The following CEP350 variants were observed in gnomAD, a reference collection of about 807,000 sequenced individuals.
CEP350 encodes centrosome-associated protein 350.
In CEP350, 126 loss-of-function variants were observed where a neutral mutation model predicts 331.8. The ratio of observed to expected loss-of-function variants is 0.38; its 90% CI spans 0.33 to 0.44. CEP350 has a LOEUF of 0.44. CEP350 is among the 20% of genes least tolerant of loss of function. The pLI, the probability that CEP350 is intolerant of heterozygous loss-of-function variation, is 1.00. For missense variants in CEP350, 3,406 were observed against 3,634.6 expected (o/e 0.94, Z 1.62); for synonymous variants, 1,200 against 1,259.5 (o/e 0.95, Z 1.00).
chr1:179,999,155 T>C (rs1288657388), intron 6 of CEP350, among the ~76,000 whole-genome samples: 3 of 152,122 alleles, frequency 2.0e-5, no homozygotes, highest in African/African-American at 4.8e-5. Context: ...TTGTTCTTTG[T>C]ACAAGTCAAA....
rs1295337433 is a variant in CEP350, at chr1:180,093,337, C to G, written c.7232C>G (p.Ser2411Cys). 6 of 1,599,356 alleles carry G rather than the reference C, an allele frequency of 3.8e-6. No homozygotes were observed. The highest frequency in any genetic ancestry group is 5.1e-6 in the Non-Finnish European group (6 of 1,172,742). ...CTGTCACTCAGGAAAGACTCTCAGT[C>G]TTGCAGAGATAAGCCACAGCCAATG... is the stretch of plus-strand genomic sequence containing the variant. ...SLLSLRKDSQ[S>C]CRDKPQPMRS... Residue 2411 changes from serine (S) to cysteine (C), a missense_variant, in exon 34 of 38, where the codon TCT becomes TGT. By Grantham distance (112) the Ser-to-Cys change is moderately radical. Transcript: ENST00000367607.
intron 1 of CEP350, among the ~76,000 whole-genome samples, chr1:179,980,830 G>A (rs1020364862): frequency 1.3e-5 from 2 of 151,902 alleles, no homozygotes; most frequent in African/African-American, 2.4e-5. Context: ...AACATTGTTA[G>A]CACAAGCAGT....
chr1:180,014,171 C>A lies in CEP350; in HGVS notation c.1718C>A (p.Pro573His). The change falls in exon 10 of 38, where the codon CCT (proline) becomes CAT (histidine). Residue 573 changes from proline to histidine, a missense_variant. Physicochemically the swap from Pro to His is moderately conservative, Grantham distance 77. Transcript: ENST00000367607. ...AGTCACAGCCCAGTAAAAAGAAAAC[C>A]TGACAAAATAACAGCTAATGAAGAT... ...PRSHSPVKRKPDKITANEDPP... is the reference protein window; with the variant it reads ...PRSHSPVKRKHDKITANEDPP... 6.2e-7 allele frequency: 1 copy of A among 1,608,546 alleles called. No homozygotes were observed. The highest frequency in any genetic ancestry group is 8.5e-7 in the Non-Finnish European group (1 of 1,177,428).
chr1:180,065,073 C>G, intron 26 of CEP350, 42 bp from the exon 27 acceptor site: 1 of 1,535,966 alleles, frequency 6.5e-7, no homozygotes, highest in East Asian at 2.3e-5. Context: ...GCTTCAAGGT[C>G]CTATTAAAGT....
At chr1:179,972,855 A>G (rs1651555214) in intron 1 of CEP350, among the ~76,000 whole-genome samples, 1 of 151,068 alleles carries the variant, frequency 6.6e-6, no homozygotes, top group African/African-American at 2.4e-5. Flanking sequence ...CTAAATGGAC[A>G]CTGAGTGTAT....
intron 37 of CEP350, among the ~76,000 whole-genome samples, chr1:180,105,131 C>G (rs887800478): frequency 2.0e-5 from 3 of 151,778 alleles, no homozygotes; most frequent in Admixed American, 2.0e-4. Flanking sequence ...ATTAATAAAC[C>G]CAGTGGTAAA....
chr1:179,977,762 G>C (rs1021394205), intron 1 of CEP350, among the ~76,000 whole-genome samples: 6 of 151,894 alleles, frequency 4.0e-5, no homozygotes, highest in Non-Finnish European at 5.9e-5. Flanking sequence ...TATAACCTTA[G>C]TTTACTGTAA....
chr1:179,978,817 A>G (rs979679170), intron 1 of CEP350, among the ~76,000 whole-genome samples: 4 of 152,084 alleles, frequency 2.6e-5, no homozygotes, highest in African/African-American at 9.7e-5. Context: ...TTTGCCTAAT[A>G]TAATTGTGAC....
intron 1 of CEP350, among the ~76,000 whole-genome samples, chr1:179,981,574 G>T (rs1263408502): frequency 6.6e-6 from 1 of 152,066 alleles, no homozygotes; most frequent in Non-Finnish European, 1.5e-5. Context: ...TATTCTTAAA[G>T]AACAGACCAA....
intron 14 of CEP350, among the ~76,000 whole-genome samples, chr1:180,027,320 A>G (rs1467092404): frequency 6.6e-6 from 1 of 152,164 alleles, no homozygotes; most frequent in Non-Finnish European, 1.5e-5. Flanking sequence ...ATTTGTAAGG[A>G]TTACCCACTA....
intron 1 of CEP350, among the ~76,000 whole-genome samples, chr1:179,963,759 A>T (rs1650798738): frequency 6.6e-6 from 1 of 152,036 alleles, no homozygotes; most frequent in African/African-American, 2.4e-5. Context: ...TATAGTTTGA[A>T]GTTGGGTAAT....
chr1:180,009,137 G>A (rs1429483146), intron 8 of CEP350, among the ~76,000 whole-genome samples: 1 of 152,194 alleles, frequency 6.6e-6, no homozygotes, highest in African/African-American at 2.4e-5. Flanking sequence ...AGCCTCCTGA[G>A]TAGCTGGGAT....
intron 21 of CEP350, among the ~76,000 whole-genome samples, chr1:180,048,185 G>T (rs1657254656): frequency 6.6e-6 from 1 of 152,204 alleles, no homozygotes. Context: ...GAAGCAGATT[G>T]TGATAAATCG....
intron 27 of CEP350, chr1:180,073,863 A>C (rs1487833224): frequency 7.7e-7 from 1 of 1,304,596 alleles, no homozygotes; most frequent in Non-Finnish European, 1.0e-6. Flanking sequence ...TGTTTTCCCA[A>C]CCTTCATCCC....
At chr1:180,096,597 A>G (rs940910984) in intron 36 of CEP350, among the ~76,000 whole-genome samples, 23 of 152,186 alleles carry the variant, frequency 1.5e-4, no homozygotes, top group African/African-American at 2.7e-4. Flanking sequence ...TGTCTTTTCA[A>G]TATGCCAGCC....
At chr1:180,053,665 T>C (rs1430935941) in intron 23 of CEP350, 85 bp from the exon 24 acceptor site, 5 of 769,400 alleles carry the variant, frequency 6.5e-6, no homozygotes, top group Non-Finnish European at 1.0e-5. Flanking sequence ...ACATAGTTTG[T>C]TTTTGTAAAT....
intron 8 of CEP350, among the ~76,000 whole-genome samples, chr1:180,011,188 A>C (rs1050680097): frequency 5.3e-5 from 8 of 152,220 alleles, no homozygotes; most frequent in African/African-American, 1.4e-4. Flanking sequence ...TTTTGTACAT[A>C]GAAAAGTAGT....
Position 180,111,078 on chromosome 1 carries a change from G to A in CEP350, c.9271G>A (p.Gly3091Arg), listed in dbSNP as rs542770010. Residue 3091 changes from glycine to arginine, a missense_variant, in exon 38 of 38, where the codon GGG becomes AGG. Gly to Arg is a moderately radical substitution (Grantham distance 125). Coordinates refer to ENST00000367607, the MANE Select transcript of CEP350 (RefSeq NM_014810.5). ...ELCVKMQLAD[G>R]IFETLIKDTI... ...GTGTGTGAAAATGCAGCTAGCCGAC[G>A]GGATCTTTGAGACCCTGATCAAAGA... 48 of 1,613,938 alleles carry A rather than the reference G, an allele frequency of 3.0e-5. No individual in the cohort carries two copies. The South Asian group carries it at 5.3e-4, about 18-fold the overall frequency.
chr1:180,026,657 C>G (rs1056119918), intron 14 of CEP350, among the ~76,000 whole-genome samples: 1 of 152,198 alleles, frequency 6.6e-6, no homozygotes, highest in South Asian at 2.1e-4. Flanking sequence ...AACCACTGTT[C>G]TGTTTTCTGT....
Sources: allele counts gnomAD v4.1 joint callset (sites outside exome capture counted in the v4.1 genomes callset), GRCh38; gene constraint gnomAD v4.1.1; transcripts MANE v1.5; gene names NCBI Gene and HGNC (gene_info 2026-07-23, HGNC 2026-07-21).